CST3: variants seen among roughly 807,000 people sequenced by gnomAD.
CST3 encodes cystatin-C.
In CST3, 14 loss-of-function variants were observed where a neutral mutation model predicts 9.0. The ratio of observed to expected loss-of-function variants is 1.56; its 90% CI spans 1.03 to 2.44. The LOEUF (loss-of-function observed/expected upper bound fraction) is 2.44. CST3 is among the 30% of genes most tolerant of loss of function. The pLI, the probability that CST3 is intolerant of heterozygous loss-of-function variation, is 0.00. For missense variants in CST3, 237 were observed against 204.3 expected (o/e 1.16, Z -0.98); for synonymous variants, 96 against 90.2 (o/e 1.06, Z -0.37).
At chr20:23,628,908 G>C (rs1158116704), downstream of CST3, 1 of 152,190 alleles carries the variant, frequency 6.6e-6, no homozygotes, top group South Asian at 2.1e-4. Context: ...CTTCAGTTTT[G>C]TTGCTTCCCA....
exon 4 of CST3, chr20:23,628,158 G>A (rs1979319096): frequency 6.6e-6 from 1 of 152,070 alleles, no homozygotes; most frequent in South Asian, 2.1e-4. Flanking sequence ...TTCCATTTAT[G>A]AGAAGTCCCG....
chr20:23,630,598 T>C (rs1478490835), downstream of CST3, among the ~76,000 whole-genome samples: 1 of 152,180 alleles, frequency 6.6e-6, no homozygotes, highest in East Asian at 1.9e-4. Flanking sequence ...CCTGGAGTTA[T>C]GGGACAGGGC....
intron 1 of CST3, 123 bp downstream of exon 1, chr20:23,637,497 G>A: frequency 1.0e-6 from 1 of 994,720 alleles, no homozygotes; most frequent in African/African-American, 1.7e-5. Context: ...GCGAAGACCG[G>A]GAACAGGGTC....
Position 23,637,481 on chromosome 20 carries a change from G to T in CST3, c.243+139C>A, listed in dbSNP as rs902048987. On this transcript the variant is annotated intron_variant, in intron 1 of 2. Transcript: ENST00000376925. ...GGACACGCCCGCCAAGGGCTCGGGG[G>T]TGACAGCGAAGACCGGGAACAGGGT... The T allele has an allele frequency of 8.1e-6, 7 of 861,998 alleles. No individual in the cohort carries two copies. The African/African-American group carries it at 1.3e-4, about 16-fold the overall frequency. 53.4% of individuals were successfully genotyped at this position (861,998 alleles called of 1,614,324 possible). A position where few individuals can be genotyped will look rare whatever the true frequency, so the allele number is the denominator to read the frequency against.
At chr20:23,626,817 G>A (rs1335180771) in exon 4 of CST3, 1 of 152,230 alleles carries the variant, frequency 6.6e-6, no homozygotes, top group East Asian at 1.9e-4. Flanking sequence ...TCCTGGGAAT[G>A]AGACGATGGG....
exon 4 of CST3, chr20:23,626,800 T>C (rs1414399991): frequency 6.6e-6 from 1 of 152,234 alleles, no homozygotes; most frequent in Non-Finnish European, 1.5e-5. Context: ...ATCTTGTGTT[T>C]AGTTTTTCCT....
Position 23,637,827 on chromosome 20 carries a change from C to A in CST3, c.36G>T (p.Leu12=). Reference sequence around the variant, plus strand: ...CGGCCAGGGCCACGGCCAGGATGGCCAGCAGGAGCAGCGGGGCGCGCAGGG... The same window carrying A: ...CGGCCAGGGCCACGGCCAGGATGGCAAGCAGGAGCAGCGGGGCGCGCAGGG... ...AGPLRAPLLL[L]AILAVALAVS... is the part of the protein sequence containing the mutation. Residue 12 remains leucine (L), a synonymous_variant, in exon 1 of 3, where the codon CTG becomes CTT. Coordinates refer to ENST00000376925, the MANE Select transcript of CST3 (RefSeq NM_000099.4). The A allele has an allele frequency of 6.8e-7, 1 of 1,478,974 alleles. No homozygotes were observed. Among genetic ancestry groups the A allele is most frequent in the Non-Finnish European group, 8.9e-7 (1 of 1,118,552 alleles). 91.6% of individuals were successfully genotyped at this position (1,478,974 alleles called of 1,614,324 possible). A position where few individuals can be genotyped will look rare whatever the true frequency, so the allele number is the denominator to read the frequency against.
chr20:23,630,188 T>C (rs188792934), downstream of CST3, among the ~76,000 whole-genome samples: 73 of 152,250 alleles, frequency 4.8e-4, no homozygotes, highest in Non-Finnish European at 9.0e-4. Context: ...CAGAACACGA[T>C]CAACTTTTCC....
downstream of CST3, chr20:23,628,933 T>C (rs1156764180): frequency 1.3e-5 from 2 of 152,216 alleles, no homozygotes; most frequent in Non-Finnish European, 2.9e-5. Flanking sequence ...TTGGCTTCAT[T>C]CTCAAACAGG....
At chr20:23,635,205 C>G in intron 2 of CST3, 49 bp downstream of exon 2, 1 of 1,460,718 alleles carries the variant, frequency 6.8e-7, no homozygotes, top group Non-Finnish European at 9.6e-7. Context: ...CACACACACA[C>G]ACCCCTCTGC....
chr20:23,628,858 A>G (rs1203914422), downstream of CST3: 1 of 152,228 alleles, frequency 6.6e-6, no homozygotes, highest in Non-Finnish European at 1.5e-5. Context: ...CCTCCAGAAT[A>G]GCTGGGAGTG....
At chr20:23,632,789 G>A (rs1022918935), downstream of CST3, among the ~76,000 whole-genome samples, 1 of 152,232 alleles carries the variant, frequency 6.6e-6, no homozygotes, top group Non-Finnish European at 1.5e-5. Context: ...GGGAAGGACT[G>A]TGCAGGGTGG....
At chr20:23,635,832 T>C (rs35610040) in intron 1 of CST3, among the ~76,000 whole-genome samples, 29,540 of 152,212 alleles carry the variant, frequency 0.19, 3,078 homozygotes, top group South Asian at 0.32. Context: ...TCCCACGTGC[T>C]TCCATTCCAG....
rs6138024 is a variant in CST3, at chr20:23,637,758, T to C, written c.105A>G (p.Leu35=). The C allele has an allele frequency of 0.99, 1,519,858 of 1,532,636 alleles. 754,419 individuals carry two copies. Among genetic ancestry groups the C allele is most frequent in the East Asian group, 1 (38,500 of 38,500 alleles). The allele number at this position is 1,532,636 out of a possible 1,614,324, so 94.9% of individuals were successfully genotyped here. A position where few individuals can be genotyped will look rare whatever the true frequency, so the allele number is the denominator to read the frequency against. ...CGCTGGCGTCCATGGGGCCTCCCAC[T>C]AGGCGCGGCGGCTTGCCGGGACTGG... ...AGSSPGKPPR[L]VGGPMDASVE... The change falls in exon 1 of 3, where the codon CTA becomes CTG. Residue 35 remains leucine (L), a synonymous_variant. Coordinates refer to ENST00000376925, the MANE Select transcript of CST3 (RefSeq NM_000099.4).
chr20:23,637,954 G>C lies in CST3; in HGVS notation c.-92C>G, dbSNP rs1227053183. 4 of 1,281,510 alleles carry C rather than the reference G, an allele frequency of 3.1e-6. No homozygotes were observed. The highest frequency in any genetic ancestry group is 8.4e-5 in the Admixed American group (2 of 23,694). The allele number at this position is 1,281,510 out of a possible 1,614,324, so 79.4% of individuals were successfully genotyped here. ...CCCGCTGCGATACCGAGGCGAGGCC[G>C]TGAGCCCCGCGAGGCCGGCGACTGC... On this transcript the variant is annotated 5_prime_UTR_variant, in exon 1 of 3. Coordinates refer to ENST00000376925, the MANE Select transcript of CST3 (RefSeq NM_000099.4).
At chr20:23,634,156 G>A (rs745413895) in intron 2 of CST3, among the ~76,000 whole-genome samples, 157 bp from the exon 3 acceptor site, 1 of 151,414 alleles carries the variant, frequency 6.6e-6, no homozygotes, top group African/African-American at 2.4e-5. Flanking sequence ...CCAGAGCACC[G>A]CTGGACTGGG....
chr20:23,628,061 T>TTTGTTA (rs1979316672), exon 4 of CST3: 1 of 152,150 alleles, frequency 6.6e-6, no homozygotes, highest in Non-Finnish European at 1.5e-5. Context: ...GTTGTTTTTT[T>TTTGTTA]TTGTTTTTGT....
chr20:23,637,019 T>C (rs1007751355), intron 1 of CST3, among the ~76,000 whole-genome samples: 1 of 152,192 alleles, frequency 6.6e-6, no homozygotes, highest in African/African-American at 2.4e-5. Context: ...ACAGTACATA[T>C]ACACACACCC....
intron 2 of CST3, 97 bp from the exon 3 acceptor site, chr20:23,634,096 G>A (rs1979562776): frequency 1.0e-6 from 1 of 992,476 alleles, no homozygotes; most frequent in African/African-American, 1.6e-5. Flanking sequence ...AAGAAGGATG[G>A]AGGTGAAACA....
Sources: allele counts gnomAD v4.1 joint callset (sites outside exome capture counted in the v4.1 genomes callset), GRCh38; gene constraint gnomAD v4.1.1; transcripts MANE v1.5; gene names NCBI Gene and HGNC (gene_info 2026-07-23, HGNC 2026-07-21).